Variants in DLG5 observed in about 807,000 individuals in gnomAD.
DLG5 encodes disks large homolog 5.
DLG5 carries 48 observed loss-of-function variants against 189.8 expected under a neutral mutation model. That is an observed-to-expected ratio of 0.25 (90% confidence interval 0.20 to 0.32). The LOEUF (loss-of-function observed/expected upper bound fraction) is 0.32. DLG5 is among the 10% of genes least tolerant of loss of function. The probability of loss-of-function intolerance (pLI) is 1.00; values close to 1 mark genes in which losing one functional copy is unlikely to be tolerated. For missense variants in DLG5, 2,160 were observed against 2,544.7 expected (o/e 0.85, Z 3.25); for synonymous variants, 1,016 against 1,054.1 (o/e 0.96, Z 0.70).
intron 1 of DLG5, among the ~76,000 whole-genome samples, chr10:77,884,092 C>T (rs1367227834): frequency 6.6e-6 from 1 of 152,078 alleles, no homozygotes; most frequent in Non-Finnish European, 1.5e-5. Context: ...CTGGAAAAGA[C>T]ATAGAAAGAT....
At chr10:77,911,097 C>T (rs1224071060) in intron 1 of DLG5, among the ~76,000 whole-genome samples, 2 of 151,306 alleles carry the variant, frequency 1.3e-5, no homozygotes, top group Non-Finnish European at 2.9e-5. Flanking sequence ...GAAAAGGCCA[C>T]TATATATTTT....
At chr10:77,939,455 C>A in the DLG5 span, among the ~76,000 whole-genome samples, 2 of 152,144 alleles carry the variant, frequency 1.3e-5, no homozygotes, top group Non-Finnish European at 2.9e-5. Flanking sequence ...CCCTGGGCAC[C>A]AACCCTTCCA....
chr10:77,818,012 TG>T (rs1204050869), intron 17 of DLG5, 123 bp from the exon 18 acceptor site: 3 of 765,738 alleles, frequency 3.9e-6, no homozygotes, highest in Non-Finnish European at 6.3e-6. Context: ...CAGGAGCCAC[TG>T]ATTATCAGCC....
chr10:77,814,505 A>ATATATATATATATC (rs36102159), intron 20 of DLG5, among the ~76,000 whole-genome samples: 47 of 110,234 alleles, frequency 4.3e-4, no homozygotes, highest in African/African-American at 7.1e-4. Context: ...ATATATATAT[A>ATATATATATATATC]TCCAAAGGGT....
At chr10:77,876,419 G>A (rs1845092005) in intron 1 of DLG5, among the ~76,000 whole-genome samples, 1 of 149,192 alleles carries the variant, frequency 6.7e-6, no homozygotes, top group East Asian at 2.0e-4. Flanking sequence ...CTGTTGCCCA[G>A]GCTGGAGTGC....
chr10:77,842,073 T>C lies in DLG5; in HGVS notation c.1245A>G (p.Ala415=). The C allele has an allele frequency of 6.2e-7, 1 of 1,614,118 alleles. No individual in the cohort carries two copies. Among genetic ancestry groups the C allele is most frequent in the East Asian group, 2.2e-5 (1 of 44,890 alleles). The part of the protein sequence containing the change: ...TELRTTQVKT[A]KESEKYREER... ...CCTCCCTGTATTTCTCCGACTCCTT[T>C]GCTGTCTTCACCTGCGTGGTTCTCA... The change falls in exon 7 of 32, where the codon GCA becomes GCG. Residue 415 remains alanine (A), a synonymous_variant. Transcript: ENST00000372391.
In DLG5 at chr10:77,816,291, T is replaced by A. The variant is rs571262448; in HGVS notation, c.4025+260A>T. 53 of 690,910 alleles carry A rather than the reference T, an allele frequency of 7.7e-5. No individual in the cohort carries two copies. In the African/African-American group the frequency reaches 7.7e-4, roughly 10 times the overall value. 42.8% of individuals were successfully genotyped at this position (690,910 alleles called of 1,614,324 possible). On this transcript the variant is annotated intron_variant, in intron 20 of 31. Coordinates refer to ENST00000372391, the MANE Select transcript of DLG5 (RefSeq NM_004747.4). Reference sequence around the variant, plus strand: ...GCCCAGGAAGGTGTAAATGGTGCCATGATGGCACGATCACCGTCAGGTCAT... The same window carrying A: ...GCCCAGGAAGGTGTAAATGGTGCCAAGATGGCACGATCACCGTCAGGTCAT...
intron 1 of DLG5, among the ~76,000 whole-genome samples, chr10:77,885,989 A>G (rs988590507): frequency 2.6e-5 from 4 of 152,200 alleles, no homozygotes; most frequent in African/African-American, 9.6e-5. Flanking sequence ...CCCCCAGATA[A>G]GCACCTGGAC....
intron 11 of DLG5, among the ~76,000 whole-genome samples, chr10:77,829,742 G>A (rs1842813065): frequency 1.3e-5 from 2 of 152,212 alleles, no homozygotes; most frequent in Admixed American, 1.3e-4. Flanking sequence ...CCACTTACTA[G>A]TTGTATGACC....
the DLG5 span, among the ~76,000 whole-genome samples, chr10:77,934,624 G>GCTGGGGTCCTTGCAGGGGACC: frequency 6.6e-6 from 1 of 152,226 alleles, no homozygotes; most frequent in Middle Eastern, 3.4e-3. Context: ...CCAGCTGACA[G>GCTGGGGTCCTTGCAGGGGACC]CCAGCAAGGA....
At position 77,907,190 on chromosome 10, in the gene DLG5, GA is replaced by G. The variant is rs551680054; in HGVS notation, c.304+19026del. 3.9e-5 allele frequency among the ~76,000 whole-genome samples: 6 copies of G among 152,288 alleles called. No homozygotes were observed. In the East Asian group the frequency reaches 1.2e-3, roughly 29 times the overall value. ...CACCCTGAGTTGGGGGTAGAGTAGGGAGAAACAAACCAACCAACCCGCCCTG... is the reference window on the plus strand; with the variant it reads ...CACCCTGAGTTGGGGGTAGAGTAGGGGAAACAAACCAACCAACCCGCCCTG... On this transcript the variant is annotated intron_variant, in intron 1 of 31. Transcript: ENST00000372391.
intron 1 of DLG5, among the ~76,000 whole-genome samples, chr10:77,907,614 C>T (rs1846104280): frequency 6.6e-6 from 1 of 152,084 alleles, no homozygotes; most frequent in Admixed American, 6.5e-5. Flanking sequence ...TACGCTTACA[C>T]AGTACTTACC....
At chr10:77,793,373 T>C (rs924541303) in intron 31 of DLG5, among the ~76,000 whole-genome samples, 2 of 152,050 alleles carry the variant, frequency 1.3e-5, no homozygotes, top group African/African-American at 2.4e-5. Context: ...CTCTCCACAA[T>C]GCAGTTAGAA....
chr10:77,887,213 A>C (rs1845466994), intron 1 of DLG5, among the ~76,000 whole-genome samples: 1 of 152,176 alleles, frequency 6.6e-6, no homozygotes, highest in Non-Finnish European at 1.5e-5. Flanking sequence ...AGATCAAGGA[A>C]CTAACCCAAG....
intron 29 of DLG5, 97 bp from the exon 30 acceptor site, chr10:77,795,055 C>G: frequency 1.1e-6 from 1 of 907,318 alleles, no homozygotes; most frequent in East Asian, 2.6e-5. Context: ...TCACAGGGCT[C>G]TACCCACAAA....
At position 77,799,292 on chromosome 10, in the gene DLG5, G is replaced by A. The variant is rs559168690; in HGVS notation, c.5165-2698C>T. 2.4e-4 allele frequency among the ~76,000 whole-genome samples: 37 copies of A among 152,294 alleles called. 1 individual carries two copies. The highest frequency in any genetic ancestry group is 3.4e-3 in the Middle Eastern group (1 of 294). ...GCTGTGGACTGAACTATGTCCCCTCGACATTTATATGTTGAAGCCCTAAGC... is the reference window on the plus strand; with the variant it reads ...GCTGTGGACTGAACTATGTCCCCTCAACATTTATATGTTGAAGCCCTAAGC... On this transcript the variant is annotated intron_variant, in intron 27 of 31. Transcript: ENST00000372391.
At chr10:77,817,746 C>T (rs1368466185) in intron 18 of DLG5, 31 bp downstream of exon 18, 3 of 1,539,078 alleles carry the variant, frequency 1.9e-6, no homozygotes, top group Non-Finnish European at 2.6e-6. Flanking sequence ...TTGGCACCCT[C>T]TGCAGCACAA....
At chr10:77,915,255 G>C (rs1382579414) in intron 1 of DLG5, among the ~76,000 whole-genome samples, 1 of 151,698 alleles carries the variant, frequency 6.6e-6, no homozygotes, top group Non-Finnish European at 1.5e-5. Context: ...TGAACCCGGG[G>C]GACGAAGGTT....
intron 20 of DLG5, chr10:77,816,253 T>C (rs1386405486): frequency 4.6e-6 from 3 of 645,372 alleles, no homozygotes; most frequent in East Asian, 6.2e-5. Context: ...ACACGTAAAG[T>C]GCTTGAACAA....
Sources: allele counts gnomAD v4.1 joint callset (sites outside exome capture counted in the v4.1 genomes callset), GRCh38; gene constraint gnomAD v4.1.1; transcripts MANE v1.5; gene names NCBI Gene and HGNC (gene_info 2026-07-23, HGNC 2026-07-21).